FAAH2: variants seen among roughly 807,000 people sequenced by gnomAD.
The protein encoded by FAAH2 is fatty acid amide hydrolase 2, also known as fatty-acid amide hydrolase 2.
Under a neutral mutation model 36.9 loss-of-function variants are expected in FAAH2, and 60 were observed. The ratio of observed to expected loss-of-function variants is 1.63; its 90% CI spans 1.32 to 2.02. The LOEUF is 2.02. Ranked by LOEUF, FAAH2 falls within the 30% of genes most tolerant of loss-of-function variation. The probability of loss-of-function intolerance (pLI) is 0.00; values close to 1 mark genes in which losing one functional copy is unlikely to be tolerated. For synonymous variants in FAAH2, 214 were observed against 143.8 expected, an observed-to-expected ratio of 1.49 and a Z score of -3.49; for missense variants, 689 against 397.5, an observed-to-expected ratio of 1.73 and a Z score of -6.23.
intron 7 of FAAH2, among the ~76,000 whole-genome samples, chrX:57,412,371 T>C (rs2055721616): frequency 9.0e-6 from 1 of 110,814 alleles, no homozygotes. Flanking sequence ...ATCCCTCCCC[T>C]AGCACCCCAC....
intron 1 of FAAH2, 69 bp downstream of exon 1, chrX:57,287,086 G>A: frequency 9.5e-7 from 1 of 1,048,055 alleles, no homozygotes; most frequent in Admixed American, 3.6e-5. Context: ...CTTAGTGGTG[G>A]CGGTGGTTGT....
the FAAH2 span, among the ~76,000 whole-genome samples, chrX:57,139,589 A>G: frequency 9.0e-6 from 1 of 110,626 alleles, no homozygotes; most frequent in Non-Finnish European, 1.9e-5. Context: ...GAGTAGCTGG[A>G]ACCACAGGTG....
At chrX:57,470,858 C>T (rs2147247443) in intron 10 of FAAH2, among the ~76,000 whole-genome samples, 1 of 111,527 alleles carries the variant, frequency 9.0e-6, no homozygotes, top group South Asian at 3.8e-4. Flanking sequence ...AAAATACTGG[C>T]AAACCGAATC....
In FAAH2 at chrX:57,453,318, C is replaced by T. The variant is rs142228128; in HGVS notation, c.1423+4600C>T. 3.4e-3 allele frequency among the ~76,000 whole-genome samples: 382 copies of T among 112,514 alleles called. 1 individual carries two copies. Among genetic ancestry groups the T allele is most frequent in the Non-Finnish European group, 6.2e-3 (328 of 53,253 alleles). On this transcript the variant is annotated intron_variant, in intron 10 of 10. Coordinates refer to ENST00000374900, the MANE Select transcript of FAAH2 (RefSeq NM_174912.4). ...TAGTTTTCAACAAAAATTTATGAGG[C>T]ATACAAGTAAAAAAGGAAAATGAGA... is the stretch of plus-strand genomic sequence containing the variant.
the FAAH2 span, among the ~76,000 whole-genome samples, chrX:57,128,402 G>A: frequency 2.7e-5 from 3 of 111,285 alleles, no homozygotes; most frequent in African/African-American, 6.5e-5. Flanking sequence ...ATAGCAATGA[G>A]GACACAACAT....
chrX:57,153,452 A>G, the FAAH2 span, among the ~76,000 whole-genome samples: 4 of 111,337 alleles, frequency 3.6e-5, no homozygotes, highest in Non-Finnish European at 5.7e-5. Flanking sequence ...TTTTAATTTT[A>G]TGGGTTCTGT....
chrX:57,137,411 T>G, the FAAH2 span: 1 of 725,825 alleles, frequency 1.4e-6, no homozygotes. Flanking sequence ...TGCAGCGGTG[T>G]CCCCAGCGCT....
At chrX:57,466,156 C>CTCTCTATATATATATATATATATA (rs1287266105) in intron 10 of FAAH2, among the ~76,000 whole-genome samples, 2 of 66,417 alleles carry the variant, frequency 3.0e-5, no homozygotes, top group African/African-American at 1.2e-4. Context: ...CTCTCTCTCT[C>CTCTCTATATATATATATATATATA]TATATATATA....
chrX:57,134,607 A>C, the FAAH2 span: 1 of 111,582 alleles, frequency 9.0e-6, no homozygotes, highest in East Asian at 2.8e-4. Context: ...CAGAAGGAAT[A>C]GGAGTGATGA....
At chrX:57,152,813 C>G in the FAAH2 span, among the ~76,000 whole-genome samples, 2 of 111,224 alleles carry the variant, frequency 1.8e-5, no homozygotes, top group Non-Finnish European at 3.8e-5. Context: ...GTGAGATGAA[C>G]CCGGTACCTC....
At chrX:57,329,530 A>T (rs930874890) in intron 3 of FAAH2, among the ~76,000 whole-genome samples, 22 of 109,665 alleles carry the variant, frequency 2.0e-4, no homozygotes, top group African/African-American at 7.0e-4. Context: ...ATGGTGGTGC[A>T]GTGGGGGGAA....
rs757337800 is a variant in FAAH2 at position 57,304,893 on chromosome X, T to C, written c.276-5700T>C. Reference sequence around the variant, plus strand: ...AAAACACAATAATTGGCACATAAAATAGACTCAGTATATTGTACATGTTGG... The same window carrying C: ...AAAACACAATAATTGGCACATAAAACAGACTCAGTATATTGTACATGTTGG... On this transcript the variant is annotated intron_variant, in intron 2 of 10. Transcript: ENST00000374900. Among the ~76,000 whole-genome samples, 4 of 111,895 alleles carry C rather than the reference T, an allele frequency of 3.6e-5. No individual in the cohort carries two copies. The East Asian group carries it at 1.1e-3, about 32-fold the overall frequency.
At chrX:57,214,573 C>G in the FAAH2 span, among the ~76,000 whole-genome samples, 3 of 111,069 alleles carry the variant, frequency 2.7e-5, no homozygotes, top group South Asian at 1.1e-3. Flanking sequence ...ATTACAGGTG[C>G]GTGCCATGAT....
intron 7 of FAAH2, among the ~76,000 whole-genome samples, chrX:57,427,040 T>C (rs1315566703): frequency 9.1e-6 from 1 of 110,463 alleles, no homozygotes; most frequent in African/African-American, 3.3e-5. Context: ...ATAAACACAA[T>C]TGGAAATGAA....
the FAAH2 span, among the ~76,000 whole-genome samples, chrX:57,241,060 C>T: frequency 4.5e-5 from 5 of 112,170 alleles, no homozygotes; most frequent in African/African-American, 1.6e-4. Flanking sequence ...GAGTCCCATG[C>T]AGGCTGGAGC....
chrX:57,196,591 G>C, the FAAH2 span, among the ~76,000 whole-genome samples: 1 of 111,526 alleles, frequency 9.0e-6, no homozygotes, highest in Non-Finnish European at 1.9e-5. Context: ...AGGACTTCCA[G>C]TACTATGTTG....
chrX:57,306,545 T>C (rs973765943), intron 2 of FAAH2, among the ~76,000 whole-genome samples: 2 of 108,718 alleles, frequency 1.8e-5, no homozygotes, highest in African/African-American at 6.7e-5. Context: ...GTAGGAGATT[T>C]GTGGGCCTTC....
At chrX:57,440,115 T>C (rs763962252) in intron 8 of FAAH2, among the ~76,000 whole-genome samples, 60 of 111,250 alleles carry the variant, frequency 5.4e-4, no homozygotes, top group Non-Finnish European at 1.1e-3. Context: ...GAACTTAGAG[T>C]AGTTTTTTCC....
chrX:57,371,826 T>A (rs951368017), intron 5 of FAAH2, among the ~76,000 whole-genome samples: 29 of 111,722 alleles, frequency 2.6e-4, no homozygotes, highest in African/African-American at 8.8e-4. Context: ...TAGCCCCCAG[T>A]GTCTACTGTT....
Sources: gnomAD v4.1 joint callset for allele counts (sites outside exome capture counted in the v4.1 genomes callset) on GRCh38, gnomAD v4.1.1 for gene constraint, MANE v1.5 for transcripts, NCBI Gene and HGNC (gene_info 2026-07-23, HGNC 2026-07-21) for gene names.